Variants in NRG1 observed in about 807,000 individuals in gnomAD.
NRG1 encodes the protein neuregulin 1.
NRG1 carries 18 observed loss-of-function variants against 63.8 expected under a neutral mutation model. The ratio of observed to expected loss-of-function variants is 0.28; its 90% CI spans 0.19 to 0.42. The LOEUF is 0.42. Among genes scored for constraint, NRG1 ranks in the 10% least tolerant of loss-of-function variants. The probability of loss-of-function intolerance (pLI) is 1.00; values close to 1 mark genes in which losing one functional copy is unlikely to be tolerated. For synonymous variants in NRG1, 302 were observed against 301.3 expected (o/e 1.00, Z -0.02); for missense variants, 762 against 814.7 (o/e 0.94, Z 0.79).
intron 1 of NRG1, among the ~76,000 whole-genome samples, chr8:32,405,366 G>GT (rs969071194): frequency 1.3e-5 from 2 of 152,152 alleles, no homozygotes; most frequent in African/African-American, 4.8e-5. Flanking sequence ...CACCAAGCCT[G>GT]TTTAATATTA....
intron 1 of NRG1, among the ~76,000 whole-genome samples, chr8:31,950,857 GT>G (rs1287485643): frequency 6.6e-6 from 1 of 152,148 alleles, no homozygotes; most frequent in Non-Finnish European, 1.5e-5. Context: ...GGCCTCCCCA[GT>G]GTCAGTATGG....
At chr8:32,558,451 A>C in intron 1 of NRG1, among the ~76,000 whole-genome samples, 1 of 152,104 alleles carries the variant, frequency 6.6e-6, no homozygotes, top group East Asian at 1.9e-4. Flanking sequence ...GAAATAGAAA[A>C]GGAAGGACAT....
chr8:31,701,942 C>T (rs1017156936), intron 1 of NRG1, among the ~76,000 whole-genome samples: 6 of 152,112 alleles, frequency 3.9e-5, no homozygotes, highest in African/African-American at 1.4e-4. Context: ...CAACTGTGAG[C>T]TTATTAGAAC....
At chr8:31,871,216 C>T (rs1398570354) in intron 1 of NRG1, among the ~76,000 whole-genome samples, 1 of 150,082 alleles carries the variant, frequency 6.7e-6, no homozygotes, top group East Asian at 2.0e-4. Flanking sequence ...ACCTCGTGAT[C>T]CACCCGCCTT....
At chr8:32,106,227 A>G (rs1831241726) in intron 1 of NRG1, among the ~76,000 whole-genome samples, 1 of 152,234 alleles carries the variant, frequency 6.6e-6, no homozygotes, top group Non-Finnish European at 1.5e-5. Context: ...GAATGTAGCC[A>G]TTATATTTTA....
rs71208164 is a variant in NRG1, at chr8:32,040,750, C to CATATATATATATATATATATATATATAT, written c.37+401337_37+401338insATATATATATATATATATATATATATAT. ...TATATATATATATGAAATTTAGGCG[C>CATATATATATATATATATATATATATAT]ATATATATATATATATATGCGCCTA... On this transcript the variant is annotated intron_variant, in intron 1 of 10. Coordinates refer to the NRG1 transcript ENST00000519301. Among the ~76,000 whole-genome samples, 147 of 48,678 alleles carry CATATATATATATATATATATATATATAT rather than the reference C, an allele frequency of 3.0e-3. 25 individuals carry two copies. Among genetic ancestry groups the CATATATATATATATATATATATATATAT allele is most frequent in the Non-Finnish European group, 4.6e-3 (110 of 23,738 alleles). 31.9% of individuals were successfully genotyped at this position (48,678 alleles called of 152,430 possible). A position where few individuals can be genotyped will look rare whatever the true frequency, so the allele number is the denominator to read the frequency against.
chr8:31,645,710 G>A (rs28707215), intron 1 of NRG1, among the ~76,000 whole-genome samples: 32,078 of 152,040 alleles, frequency 0.21, 3,753 homozygotes, highest in Middle Eastern at 0.24. Context: ...TTTTCCCTAC[G>A]GAAAATAGTT....
chr8:32,145,429 A>G (rs965479995), intron 1 of NRG1, among the ~76,000 whole-genome samples: 1 of 152,162 alleles, frequency 6.6e-6, no homozygotes, highest in Non-Finnish European at 1.5e-5. Flanking sequence ...ATTCTAATTA[A>G]TCTTAAATCT....
chr8:32,556,446 C>T (rs1404376278), intron 1 of NRG1, among the ~76,000 whole-genome samples: 3 of 152,160 alleles, frequency 2.0e-5, no homozygotes, highest in Non-Finnish European at 1.5e-5. Flanking sequence ...AAATATGACT[C>T]ATTTTTATTT....
intron 1 of NRG1, among the ~76,000 whole-genome samples, chr8:32,451,144 C>G (rs1001752057): frequency 6.6e-6 from 1 of 152,128 alleles, no homozygotes; most frequent in East Asian, 1.9e-4. Context: ...AAAAGTGGAA[C>G]ATTGTGGGAA....
At position 32,672,033 on chromosome 8, in the gene NRG1, T is replaced by C. The variant is rs192017004; in HGVS notation, c.502+55148T>C. Reference sequence around the variant, plus strand: ...AGCCATTCTGACTTCTATTCCGATATGTGTTTTTCATCTCCTACTTTTTTT... The same window carrying C: ...AGCCATTCTGACTTCTATTCCGATACGTGTTTTTCATCTCCTACTTTTTTT... On this transcript the variant is annotated intron_variant, in intron 5 of 11. Coordinates refer to ENST00000356819, the Ensembl canonical transcript of NRG1. 4.7e-3 allele frequency among the ~76,000 whole-genome samples: 662 copies of C among 141,296 alleles called. 8 individuals are homozygous for C. The highest frequency in any genetic ancestry group is 0.016 in the African/African-American group (625 of 39,446). 92.7% of individuals were successfully genotyped at this position (141,296 alleles called of 152,430 possible).
chr8:32,259,944 C>T (rs996751181), intron 1 of NRG1, among the ~76,000 whole-genome samples: 3 of 152,076 alleles, frequency 2.0e-5, no homozygotes, highest in African/African-American at 7.2e-5. Flanking sequence ...TTCTATTTCA[C>T]AAGTTCTGGG....
chr8:32,645,612 C>T (rs754973805), intron 5 of NRG1, among the ~76,000 whole-genome samples: 11 of 152,078 alleles, frequency 7.2e-5, no homozygotes, highest in South Asian at 2.1e-4. Context: ...GTGCTTAAAG[C>T]GGATTTTCTC....
intron 1 of NRG1, among the ~76,000 whole-genome samples, chr8:31,839,005 T>C (rs1995467): frequency 0.75 from 113,851 of 152,026 alleles, 43,116 homozygotes; most frequent in East Asian, 0.99. Context: ...TCCCTTGAAA[T>C]GTAGTGCTGG....
intron 1 of NRG1, among the ~76,000 whole-genome samples, chr8:32,067,914 C>T (rs1825132507): frequency 6.6e-6 from 1 of 152,120 alleles, no homozygotes; most frequent in South Asian, 2.1e-4. Flanking sequence ...ATGAAAACAC[C>T]TGGATGTATT....
chr8:31,978,135 A>G (rs1379699696), intron 1 of NRG1, among the ~76,000 whole-genome samples: 2 of 152,084 alleles, frequency 1.3e-5, no homozygotes, highest in Non-Finnish European at 1.5e-5. Flanking sequence ...CAGTTTGAGC[A>G]TTCAGATGTG....
downstream of NRG1, among the ~76,000 whole-genome samples, chr8:32,771,715 A>AAAAAAT (rs1343943621): frequency 0.026 from 2,870 of 111,728 alleles, 85 homozygotes; most frequent in African/African-American, 0.064. Context: ...TTAAAAAAAA[A>AAAAAAT]ATATATATAT....
intron 1 of NRG1, among the ~76,000 whole-genome samples, chr8:32,192,705 A>G (rs1034464029): frequency 1.3e-5 from 2 of 152,188 alleles, no homozygotes; most frequent in African/African-American, 4.8e-5. Context: ...CCAAGTAGCA[A>G]CCCTGCACAT....
In NRG1 at chr8:32,435,681, A is replaced by C. The variant is rs144351220; in HGVS notation, c.38-160147A>C. On this transcript the variant is annotated intron_variant, in intron 1 of 10. Coordinates refer to the NRG1 transcript ENST00000519301. Reference sequence around the variant, plus strand: ...AAAGAAGTCTCTGTCCACAGCAAAAACGTTACCAGGCAATATTTTTTAGCA... The same window carrying C: ...AAAGAAGTCTCTGTCCACAGCAAAACCGTTACCAGGCAATATTTTTTAGCA... 7.9e-4 allele frequency among the ~76,000 whole-genome samples: 121 copies of C among 152,266 alleles called. 1 individual carries two copies. Among genetic ancestry groups the C allele is most frequent in the African/African-American group, 2.8e-3 (116 of 41,536 alleles).
Sources: allele counts gnomAD v4.1 joint callset (sites outside exome capture counted in the v4.1 genomes callset), GRCh38; gene constraint gnomAD v4.1.1; transcripts MANE v1.5; gene names NCBI Gene and HGNC (gene_info 2026-07-23, HGNC 2026-07-21).